The following SLC9A2 variants were observed in gnomAD, a reference collection of about 807,000 sequenced individuals.
SLC9A2 encodes the protein solute carrier family 9 member A2.
Under a neutral mutation model 71.7 loss-of-function variants are expected in SLC9A2, and 42 were observed. The observed-to-expected ratio is 0.59, with a 90% CI of 0.46 to 0.76. SLC9A2 has a LOEUF of 0.76. Ranked by LOEUF, SLC9A2 falls within the 30% of genes least tolerant of loss-of-function variation. The pLI, the probability that SLC9A2 is intolerant of heterozygous loss-of-function variation, is 0.00. For missense variants in SLC9A2, 829 were observed against 1,017.4 expected (o/e 0.81, Z 2.52); for synonymous variants, 396 against 392.5 (o/e 1.01, Z -0.10).
At chr2:102,659,419 C>G (rs1333915677) in intron 2 of SLC9A2, among the ~76,000 whole-genome samples, 5 of 151,920 alleles carry the variant, frequency 3.3e-5, no homozygotes, top group African/African-American at 1.2e-4. Context: ...CCAGCCTGAG[C>G]AACAGAGTGA....
intron 6 of SLC9A2, 129 bp from the exon 7 acceptor site, chr2:102,694,914 G>A: frequency 1.4e-6 from 1 of 723,242 alleles, no homozygotes; most frequent in Non-Finnish European, 2.3e-6. Flanking sequence ...ATTGCTTTTG[G>A]TAATAAATAA....
intron 2 of SLC9A2, among the ~76,000 whole-genome samples, chr2:102,659,185 T>A (rs1050141215): frequency 6.6e-6 from 1 of 151,338 alleles, no homozygotes; most frequent in Non-Finnish European, 1.5e-5. Flanking sequence ...CTCATGCCTT[T>A]GGGAGGCTGA....
chr2:102,628,708 GT>G (rs1676300957), intron 1 of SLC9A2, among the ~76,000 whole-genome samples: 1 of 151,810 alleles, frequency 6.6e-6, no homozygotes, highest in African/African-American at 2.4e-5. Flanking sequence ...GAGATTTGGG[GT>G]TTTTGTTGTC....
At chr2:102,662,544 G>T (rs1241440478) in intron 2 of SLC9A2, among the ~76,000 whole-genome samples, 1 of 152,182 alleles carries the variant, frequency 6.6e-6, no homozygotes, top group African/African-American at 2.4e-5. Flanking sequence ...AGAGAGCTGG[G>T]TATTTGCAAA....
chr2:102,632,017 T>G lies in SLC9A2; in HGVS notation c.289+11880T>G, dbSNP rs1425260726. Among the ~76,000 whole-genome samples the G allele has an allele frequency of 4.3e-4, 55 of 126,794 alleles. 1 individual carries two copies. The highest frequency in any genetic ancestry group is 8.3e-4 in the East Asian group (4 of 4,846). The allele number at this position is 126,794 out of a possible 152,430, so 83.2% of individuals were successfully genotyped here. A position where few individuals can be genotyped will look rare whatever the true frequency, so the allele number is the denominator to read the frequency against. On this transcript the variant is annotated intron_variant, in intron 1 of 11. Transcript: ENST00000233969. Reference sequence around the variant, plus strand: ...GGGGATATATATATATATATATATATATATATATATATATATATATACATA... The same window carrying G: ...GGGGATATATATATATATATATATAGATATATATATATATATATATACATA...
At chr2:102,678,343 G>C (rs1230111781) in intron 3 of SLC9A2, among the ~76,000 whole-genome samples, 4 of 146,310 alleles carry the variant, frequency 2.7e-5, no homozygotes, top group East Asian at 4.0e-4. Flanking sequence ...AAAAAAAACA[G>C]AGAGAGAGAG....
intron 1 of SLC9A2, among the ~76,000 whole-genome samples, chr2:102,654,441 A>C (rs1676898855): frequency 6.6e-6 from 1 of 152,154 alleles, no homozygotes; most frequent in African/African-American, 2.4e-5. Context: ...TGTAGTATAA[A>C]TATTAAAATA....
At chr2:102,625,639 A>G (rs1315008770) in intron 1 of SLC9A2, among the ~76,000 whole-genome samples, 4 of 152,132 alleles carry the variant, frequency 2.6e-5, no homozygotes, top group Non-Finnish European at 5.9e-5. Context: ...GTCCCTACAA[A>G]GGACATGAAC....
chr2:102,634,157 G>A (rs146546729), intron 1 of SLC9A2, among the ~76,000 whole-genome samples: 32 of 152,072 alleles, frequency 2.1e-4, no homozygotes, highest in Non-Finnish European at 3.2e-4. Flanking sequence ...ACACTCCTTG[G>A]TTGTCCATGA....
In SLC9A2 at chr2:102,673,944, C is replaced by T. The variant is rs192251111; in HGVS notation, c.1004+8594C>T. 7.7e-3 allele frequency among the ~76,000 whole-genome samples: 1,169 copies of T among 152,020 alleles called. 17 individuals are homozygous for T. The highest frequency in any genetic ancestry group is 0.026 in the African/African-American group (1,074 of 41,454). ...CTGGGACTACAGGTGCCCGCCACCA[C>T]GCCCGGCTAATTTTTTGTATTTTTA... On this transcript the variant is annotated intron_variant, in intron 3 of 11. Coordinates refer to ENST00000233969, the MANE Select transcript of SLC9A2 (RefSeq NM_003048.6).
At chr2:102,626,342 A>T (rs1347879260) in intron 1 of SLC9A2, among the ~76,000 whole-genome samples, 1 of 152,216 alleles carries the variant, frequency 6.6e-6, no homozygotes, top group Non-Finnish European at 1.5e-5. Context: ...TATTTAACAA[A>T]TGGTGCTGGG....
chr2:102,695,791 ATATATATAT>A lies in SLC9A2; in HGVS notation c.1586+688_1586+696del, dbSNP rs1333049539. Among the ~76,000 whole-genome samples, 13 of 33,474 alleles carry A rather than the reference ATATATATAT, an allele frequency of 3.9e-4. 1 individual carries two copies. The East Asian group carries it at 4.1e-3, about 10-fold the overall frequency. 22.0% of individuals were successfully genotyped at this position (33,474 alleles called of 152,430 possible). A position where few individuals can be genotyped will look rare whatever the true frequency, so the allele number is the denominator to read the frequency against. On this transcript the variant is annotated intron_variant, in intron 7 of 11. Coordinates refer to ENST00000233969, the MANE Select transcript of SLC9A2 (RefSeq NM_003048.6). ...ATATAATATATATTATATATATATT[ATATATATAT>A]TATATATATATATAATATATATATA...
chr2:102,683,503 G>T, intron 4 of SLC9A2, 25 bp downstream of exon 4: 1 of 1,565,422 alleles, frequency 6.4e-7, no homozygotes, highest in Non-Finnish European at 8.8e-7. Flanking sequence ...TTTGCTAACT[G>T]GACATATGTA....
chr2:102,666,157 A>G (rs1357310240), intron 3 of SLC9A2, among the ~76,000 whole-genome samples: 1 of 151,620 alleles, frequency 6.6e-6, no homozygotes, highest in Non-Finnish European at 1.5e-5. Flanking sequence ...AAGCAAAATC[A>G]GCGAATGAGA....
At chr2:102,633,951 A>T (rs1676421322) in intron 1 of SLC9A2, among the ~76,000 whole-genome samples, 1 of 152,216 alleles carries the variant, frequency 6.6e-6, no homozygotes, top group Non-Finnish European at 1.5e-5. Flanking sequence ...ATATAGAAAC[A>T]CATGTACATA....
At chr2:102,626,210 G>C (rs1676242394) in intron 1 of SLC9A2, among the ~76,000 whole-genome samples, 1 of 152,128 alleles carries the variant, frequency 6.6e-6, no homozygotes, top group Admixed American at 6.6e-5. Flanking sequence ...CATGGTACTG[G>C]TACCAAAACA....
intron 3 of SLC9A2, among the ~76,000 whole-genome samples, chr2:102,666,172 T>C (rs1321386218): frequency 1.3e-5 from 2 of 151,234 alleles, no homozygotes; most frequent in African/African-American, 4.9e-5. Context: ...ATGAGAGTTG[T>C]GACCATGCAA....
Position 102,657,717 on chromosome 2 carries a change from C to A in SLC9A2, c.443C>A (p.Pro148His). Residue 148 changes from proline to histidine, a missense_variant, in exon 2 of 12, where the codon CCC (proline) becomes CAC (histidine). Transcript: ENST00000233969. ...TDVFFLYLLPPIVLDAGYFMP... is the reference protein window; with the variant it reads ...TDVFFLYLLPHIVLDAGYFMP... ...GTATTTTTCTTGTACCTCCTCCCAC[C>A]CATCGTGCTGGATGCCGGCTATTTC... is the stretch of plus-strand genomic sequence containing the variant. The A allele has an allele frequency of 6.2e-7, 1 of 1,614,196 alleles. No individual in the cohort carries two copies. The highest frequency in any genetic ancestry group is 8.5e-7 in the Non-Finnish European group (1 of 1,180,024).
At chr2:102,665,546 G>A (rs933122370) in intron 3 of SLC9A2, among the ~76,000 whole-genome samples, 196 bp downstream of exon 3, 13 of 151,990 alleles carry the variant, frequency 8.6e-5, no homozygotes, top group Admixed American at 2.0e-4. Flanking sequence ...AGGCCGAGAC[G>A]CGTGGATCAC....
Sources: allele counts gnomAD v4.1 joint callset (sites outside exome capture counted in the v4.1 genomes callset), GRCh38; gene constraint gnomAD v4.1.1; transcripts MANE v1.5; gene names NCBI Gene and HGNC (gene_info 2026-07-23, HGNC 2026-07-21).